Variants in SAMD3 observed in about 807,000 individuals in gnomAD.
SAMD3 encodes sterile alpha motif domain-containing protein 3.
SAMD3 carries 63 observed loss-of-function variants against 58.5 expected under a neutral mutation model. The ratio of observed to expected loss-of-function variants is 1.08; its 90% confidence interval spans 0.88 to 1.33. The LOEUF is 1.33. Ranked by LOEUF, SAMD3 falls within the 40% of genes most tolerant of loss-of-function variation. The pLI is 0.00. For synonymous variants in SAMD3, 220 were observed against 210.3 expected, an observed-to-expected ratio of 1.05 and a Z score of -0.40; for missense variants, 604 against 608.4, an observed-to-expected ratio of 0.99 and a Z score of 0.08.
At chr6:130,350,306 T>C (rs1777612119) in intron 1 of SAMD3, among the ~76,000 whole-genome samples, 1 of 152,152 alleles carries the variant, frequency 6.6e-6, no homozygotes, top group Non-Finnish European at 1.5e-5. Context: ...ATGACATGAT[T>C]GTATATCTAG....
At chr6:130,313,492 G>A (rs942399224) in intron 1 of SAMD3, among the ~76,000 whole-genome samples, 19 of 152,136 alleles carry the variant, frequency 1.2e-4, no homozygotes, top group Admixed American at 5.9e-4. Flanking sequence ...TCTCCTGCCC[G>A]GAAAATAAAA....
At chr6:130,233,068 C>T (rs1474558208) in intron 2 of SAMD3, among the ~76,000 whole-genome samples, 1 of 152,084 alleles carries the variant, frequency 6.6e-6, no homozygotes, top group Non-Finnish European at 1.5e-5. Flanking sequence ...ACTTCAAAGT[C>T]TGAGGGCACA....
At chr6:130,227,470 G>A (rs906156010), upstream of SAMD3, among the ~76,000 whole-genome samples, 5 of 152,108 alleles carry the variant, frequency 3.3e-5, no homozygotes, top group Non-Finnish European at 7.4e-5. Flanking sequence ...TGCTTTAGTG[G>A]TCTGCTTTTG....
At chr6:130,215,880 C>A (rs938891645) in intron 2 of SAMD3, 8 of 1,499,022 alleles carry the variant, frequency 5.3e-6, no homozygotes, top group Non-Finnish European at 6.3e-6. Context: ...GAAGTAGGAC[C>A]CACATTTCTC....
intron 2 of SAMD3, among the ~76,000 whole-genome samples, chr6:130,235,750 AT>A (rs144002113): frequency 0.019 from 2,855 of 152,304 alleles, 77 homozygotes; most frequent in African/African-American, 0.064. Flanking sequence ...ATATGGTTTT[AT>A]GTTCAAATTA....
intron 2 of SAMD3, among the ~76,000 whole-genome samples, chr6:130,274,599 T>C (rs1774705544): frequency 2.0e-5 from 3 of 151,934 alleles, no homozygotes; most frequent in African/African-American, 7.3e-5. Flanking sequence ...TATGTTGAGC[T>C]CTGCTGGCTT....
At chr6:130,153,542 T>C (rs1789410028) in intron 9 of SAMD3, among the ~76,000 whole-genome samples, 2 of 151,382 alleles carry the variant, frequency 1.3e-5, no homozygotes, top group South Asian at 4.2e-4. Context: ...GATCTTTCAT[T>C]ATATACCACC....
chr6:130,341,699 G>T (rs1192135617), intron 1 of SAMD3, among the ~76,000 whole-genome samples: 1 of 152,154 alleles, frequency 6.6e-6, no homozygotes, highest in East Asian at 1.9e-4. Context: ...GGGGCTGATG[G>T]CAGCACTTAT....
chr6:130,220,703 G>A (rs1264064078), intron 1 of SAMD3, among the ~76,000 whole-genome samples: 1 of 152,108 alleles, frequency 6.6e-6, no homozygotes, highest in East Asian at 1.9e-4. Context: ...GAATAAATAG[G>A]TAAAAAGAAC....
chr6:130,262,670 TAAAG>T (rs1263964645), intron 2 of SAMD3, among the ~76,000 whole-genome samples: 1 of 152,150 alleles, frequency 6.6e-6, no homozygotes, highest in African/African-American at 2.4e-5. Context: ...GTAAAACTAT[TAAAG>T]AAACAGTTTA....
At chr6:130,264,925 T>A (rs970882532) in intron 2 of SAMD3, among the ~76,000 whole-genome samples, 2 of 151,800 alleles carry the variant, frequency 1.3e-5, no homozygotes, top group Admixed American at 6.6e-5. Flanking sequence ...GTGGCCTATC[T>A]CTCAAAACAA....
At chr6:130,235,831 G>A (rs1773129912) in intron 2 of SAMD3, among the ~76,000 whole-genome samples, 2 of 152,128 alleles carry the variant, frequency 1.3e-5, no homozygotes, top group African/African-American at 4.8e-5. Flanking sequence ...CATTTACTGA[G>A]CAATTTATAT....
chr6:130,166,710 A>G (rs564885689), intron 8 of SAMD3, among the ~76,000 whole-genome samples: 2 of 152,372 alleles, frequency 1.3e-5, no homozygotes, highest in African/African-American at 4.8e-5. Flanking sequence ...ATTAGAAAAC[A>G]GGCAATGGAT....
At chr6:130,253,573 T>G (rs900336377) in intron 2 of SAMD3, among the ~76,000 whole-genome samples, 1 of 152,102 alleles carries the variant, frequency 6.6e-6, no homozygotes, top group African/African-American at 2.4e-5. Flanking sequence ...TTCTATAATT[T>G]TATAAATATA....
At chr6:130,180,061 C>T (rs149100381) in intron 7 of SAMD3, among the ~76,000 whole-genome samples, 1,901 of 151,694 alleles carry the variant, frequency 0.013, 42 homozygotes, top group African/African-American at 0.044. Flanking sequence ...GTGATCCACC[C>T]GCCTCAGCCT....
At chr6:130,226,524 T>G (rs536504383), upstream of SAMD3, among the ~76,000 whole-genome samples, 1 of 152,360 alleles carries the variant, frequency 6.6e-6, no homozygotes, top group East Asian at 1.9e-4. Context: ...TGTATAACAC[T>G]TTATAAAAAT....
At chr6:130,192,630 C>A (rs1280738632) in intron 5 of SAMD3, among the ~76,000 whole-genome samples, 1 of 152,100 alleles carries the variant, frequency 6.6e-6, no homozygotes, top group African/African-American at 2.4e-5. Context: ...TTGGACTCAG[C>A]CACCAGCACC....
At chr6:130,252,764 C>G (rs1361475890) in intron 2 of SAMD3, among the ~76,000 whole-genome samples, 2 of 152,074 alleles carry the variant, frequency 1.3e-5, no homozygotes, top group Admixed American at 6.6e-5. Flanking sequence ...TTAGCTTCAA[C>G]TATTAATTCA....
Position 130,269,655 on chromosome 6 carries a change from T to C in SAMD3, c.-188+43323A>G, listed in dbSNP as rs561435128. Among the ~76,000 whole-genome samples the C allele has an allele frequency of 2.0e-5, 3 of 152,204 alleles. No homozygotes were observed. The South Asian group carries it at 6.2e-4, about 32-fold the overall frequency. On this transcript the variant is annotated intron_variant, in intron 2 of 13. Coordinates refer to the SAMD3 transcript ENST00000368134. ...GTTTATCAATTTTATTGATTTTTTT[T>C]CAAAGAAACAGCACTTTTTTTCATT...
Sources: allele counts gnomAD v4.1 joint callset (sites outside exome capture counted in the v4.1 genomes callset), GRCh38; gene constraint gnomAD v4.1.1; transcripts MANE v1.5; gene names NCBI Gene and HGNC (gene_info 2026-07-23, HGNC 2026-07-21).